The following PCMTD1 variants were observed in gnomAD, a reference collection of about 807,000 sequenced individuals.
The protein encoded by PCMTD1 is protein-L-isoaspartate (D-aspartate) O-methyltransferase domain containing 1.
In PCMTD1, 12 loss-of-function variants were observed where a neutral mutation model predicts 37.6. The observed-to-expected ratio is 0.32, with a 90% CI of 0.20 to 0.52. The LOEUF (loss-of-function observed/expected upper bound fraction) is 0.52. Ranked by LOEUF, PCMTD1 falls within the 20% of genes least tolerant of loss-of-function variation. The pLI is 0.97. For missense variants in PCMTD1, 235 were observed against 421.3 expected (o/e 0.56, Z 3.87); for synonymous variants, 117 against 135.8 (o/e 0.86, Z 0.96).
intron 1 of PCMTD1, among the ~76,000 whole-genome samples, chr8:51,878,531 G>A (rs2038747706): frequency 6.6e-6 from 1 of 152,046 alleles, no homozygotes; most frequent in African/African-American, 2.4e-5. Context: ...AGGACTGTTT[G>A]AGCCTAGGAG....
At chr8:51,840,725 A>C (rs2038136161) in intron 3 of PCMTD1, among the ~76,000 whole-genome samples, 1 of 152,166 alleles carries the variant, frequency 6.6e-6, no homozygotes, top group Non-Finnish European at 1.5e-5. Context: ...GATAGTAGAT[A>C]TGACCATGTC....
At chr8:51,872,376 CT>C (rs1295890191) in intron 1 of PCMTD1, among the ~76,000 whole-genome samples, 1 of 152,124 alleles carries the variant, frequency 6.6e-6, no homozygotes, top group African/African-American at 2.4e-5. Context: ...AGGATTACTG[CT>C]TAGTATTATC....
At chr8:51,854,112 C>T (rs994629844) in intron 2 of PCMTD1, among the ~76,000 whole-genome samples, 3 of 152,096 alleles carry the variant, frequency 2.0e-5, no homozygotes, top group Non-Finnish European at 4.4e-5. Context: ...ACCACCTAAG[C>T]CACTTCACAT....
intron 3 of PCMTD1, among the ~76,000 whole-genome samples, chr8:51,838,822 A>C (rs1044039917): frequency 6.6e-6 from 1 of 152,186 alleles, no homozygotes; most frequent in Non-Finnish European, 1.5e-5. Context: ...TCACAAAATA[A>C]TACTACACTA....
At chr8:51,829,122 A>C (rs369678837) in intron 5 of PCMTD1, among the ~76,000 whole-genome samples, 2 of 152,178 alleles carry the variant, frequency 1.3e-5, no homozygotes, top group Non-Finnish European at 1.5e-5. Flanking sequence ...TGACTGCTTA[A>C]TTTCTTTCTA....
chr8:51,852,082 A>G (rs1023993815), intron 2 of PCMTD1, among the ~76,000 whole-genome samples: 18 of 152,228 alleles, frequency 1.2e-4, no homozygotes, highest in African/African-American at 4.3e-4. Flanking sequence ...ATAAATACTC[A>G]ATAAATATTT....
intron 3 of PCMTD1, among the ~76,000 whole-genome samples, chr8:51,838,240 A>C (rs1335436623): frequency 1.3e-5 from 2 of 152,146 alleles, no homozygotes; most frequent in Non-Finnish European, 2.9e-5. Context: ...TAATCCCAGC[A>C]TTTTCGGAGG....
At chr8:51,872,039 T>G (rs1217754258) in intron 1 of PCMTD1, among the ~76,000 whole-genome samples, 1 of 152,208 alleles carries the variant, frequency 6.6e-6, no homozygotes, top group African/African-American at 2.4e-5. Context: ...CAGTGTGAAC[T>G]CCAAGATAGA....
At position 51,898,916 on chromosome 8, in the gene PCMTD1, G is replaced by T; in HGVS notation, c.-96+14C>A. On this transcript the variant is annotated intron_variant, in intron 1 of 5. Transcript: ENST00000522514. ...CACCCCACGACCCCGAGCCCCCACT[G>T]GCGGCGGCGTTACCTGTGGCGCGGG... The T allele has an allele frequency of 7.5e-7, 1 of 1,325,870 alleles. No individual in the cohort carries two copies. Among genetic ancestry groups the T allele is most frequent in the Non-Finnish European group, 9.6e-7 (1 of 1,040,102 alleles). The allele number at this position is 1,325,870 out of a possible 1,614,324, so 82.1% of individuals were successfully genotyped here.
At chr8:51,882,818 T>TA (rs34942203) in intron 1 of PCMTD1, among the ~76,000 whole-genome samples, 89,119 of 137,442 alleles carry the variant, frequency 0.65, 29,298 homozygotes, top group East Asian at 0.78. Flanking sequence ...ATAGCATACT[T>TA]AAAAAAAAAA....
At chr8:51,849,217 A>G (rs2038268517) in intron 2 of PCMTD1, 1 of 152,148 alleles carries the variant, frequency 6.6e-6, no homozygotes, top group African/African-American at 2.4e-5. Flanking sequence ...TGCGTGTATA[A>G]CTTTTTCAAT....
At chr8:51,872,686 A>G (rs2038655784) in intron 1 of PCMTD1, among the ~76,000 whole-genome samples, 1 of 152,214 alleles carries the variant, frequency 6.6e-6, no homozygotes, top group South Asian at 2.1e-4. Flanking sequence ...ATAAAGAACA[A>G]TATTCGAATA....
Position 51,833,072 on chromosome 8 carries a change from T to C in PCMTD1, c.582+446A>G, listed in dbSNP as rs150954811. Among the ~76,000 whole-genome samples the C allele has an allele frequency of 2.3e-3, 351 of 152,314 alleles. 1 individual carries two copies. Among genetic ancestry groups the C allele is most frequent in the African/African-American group, 7.7e-3 (319 of 41,582 alleles). ...GTTGCCCAGACTGATCTTGAACTCC[T>C]GGGCTCAAGCGATCTGCCTGCCTCA... On this transcript the variant is annotated intron_variant, in intron 4 of 5. Coordinates refer to ENST00000522514, the MANE Select transcript of PCMTD1 (RefSeq NM_052937.4).
intron 1 of PCMTD1, among the ~76,000 whole-genome samples, chr8:51,869,618 GA>G (rs1353856719): frequency 2.6e-5 from 4 of 151,834 alleles, no homozygotes; most frequent in Non-Finnish European, 1.5e-5. Context: ...TTTCCACAAA[GA>G]AGAAACAATT....
At chr8:51,898,321 C>T (rs2039039021) in intron 1 of PCMTD1, among the ~76,000 whole-genome samples, 1 of 152,104 alleles carries the variant, frequency 6.6e-6, no homozygotes, top group Non-Finnish European at 1.5e-5. Flanking sequence ...TCTGAAATTC[C>T]CCAAGCAAAA....
At chr8:51,879,194 T>G (rs947938798) in intron 1 of PCMTD1, among the ~76,000 whole-genome samples, 8 of 151,116 alleles carry the variant, frequency 5.3e-5, no homozygotes, top group South Asian at 4.2e-4. Context: ...AGTATATATG[T>G]CCTAAAGCTC....
At chr8:51,866,109 G>T (rs1020541897) in intron 1 of PCMTD1, among the ~76,000 whole-genome samples, 5 of 151,382 alleles carry the variant, frequency 3.3e-5, no homozygotes, top group African/African-American at 1.2e-4. Context: ...AACCCAGGAG[G>T]TGAAAGATTT....
At chr8:51,835,800 A>G (rs534326026) in intron 3 of PCMTD1, among the ~76,000 whole-genome samples, 59 of 152,356 alleles carry the variant, frequency 3.9e-4, no homozygotes, top group Non-Finnish European at 7.3e-4. Context: ...ACTACTGCCA[A>G]GGAAATCACC....
At chr8:51,826,965 TTAC>T in intron 5 of PCMTD1, 2 of 919,060 alleles carry the variant, frequency 2.2e-6, no homozygotes, top group Non-Finnish European at 2.6e-6. Context: ...AGCAACTTGA[TTAC>T]TACAAGATAC....
Sources: allele counts gnomAD v4.1 joint callset (sites outside exome capture counted in the v4.1 genomes callset), GRCh38; gene constraint gnomAD v4.1.1; transcripts MANE v1.5; gene names NCBI Gene and HGNC (gene_info 2026-07-23, HGNC 2026-07-21).